TYR: variants seen among roughly 807,000 people sequenced by gnomAD.
The protein encoded by TYR is tyrosinase, also known as LB24-AB.
Under a neutral mutation model 51.5 loss-of-function variants are expected in TYR, and 58 were observed. The ratio of observed to expected loss-of-function variants is 1.13; its 90% CI spans 0.91 to 1.40. The LOEUF is 1.40. Ranked by LOEUF, TYR falls within the 40% of genes most tolerant of loss-of-function variation. The probability of loss-of-function intolerance (pLI) is 0.00; values close to 1 mark genes in which losing one functional copy is unlikely to be tolerated. For synonymous variants in TYR, 263 were observed against 235.2 expected (o/e 1.12, Z -1.08); for missense variants, 732 against 647.4 (o/e 1.13, Z -1.42).
chr11:89,292,943 G>A (rs1471772275), intron 4 of TYR, among the ~76,000 whole-genome samples: 3 of 152,000 alleles, frequency 2.0e-5, no homozygotes, highest in East Asian at 1.9e-4. Flanking sequence ...TAGAGGAATC[G>A]TTAAATGTCC....
chr11:89,290,955 T>G (rs1051966323), intron 4 of TYR, among the ~76,000 whole-genome samples: 35 of 152,090 alleles, frequency 2.3e-4, no homozygotes, highest in African/African-American at 8.0e-4. Flanking sequence ...AGATATTCAG[T>G]ACGGACTTCC....
intron 2 of TYR, among the ~76,000 whole-genome samples, chr11:89,213,890 T>C (rs1020192323): frequency 2.0e-5 from 3 of 152,218 alleles, no homozygotes; most frequent in Admixed American, 6.5e-5. Context: ...GCTAGCCATA[T>C]GTAGAAATCT....
At chr11:89,206,705 T>C (rs947621404) in intron 2 of TYR, among the ~76,000 whole-genome samples, 16 of 152,036 alleles carry the variant, frequency 1.1e-4, no homozygotes, top group African/African-American at 3.6e-4. Context: ...ATAAAACATA[T>C]GCTAAACATA....
chr11:89,226,136 A>G (rs965428413), intron 2 of TYR, among the ~76,000 whole-genome samples: 4 of 152,128 alleles, frequency 2.6e-5, no homozygotes, highest in African/African-American at 9.6e-5. Context: ...AAAATCTTGA[A>G]AACAACTTCT....
chr11:89,285,998 C>G (rs796267667), intron 4 of TYR, among the ~76,000 whole-genome samples: 14 of 151,958 alleles, frequency 9.2e-5, no homozygotes, highest in African/African-American at 3.4e-4. Context: ...CTCTTGTGCT[C>G]AAATCCAGTG....
chr11:89,257,953 AC>A (rs1186891496), intron 3 of TYR, among the ~76,000 whole-genome samples: 1 of 152,020 alleles, frequency 6.6e-6, no homozygotes, highest in Non-Finnish European at 1.5e-5. Context: ...ATGTAGCAAC[AC>A]CCCAAAAGTA....
Position 89,191,288 on chromosome 11 carries a change from A to G in TYR, c.906A>G (p.Gly302=). ...AGGGACCTTTACGGCGTAATCCTGGAAACCATGACAAATCCAGAACCCCAA... is the reference window on the plus strand; with the variant it reads ...AGGGACCTTTACGGCGTAATCCTGGGAACCATGACAAATCCAGAACCCCAA... The part of the protein sequence containing the change: ...TPEGPLRRNP[G]NHDKSRTPRL... The change falls in exon 2 of 5, where the codon GGA becomes GGG. Residue 302 remains glycine, a synonymous_variant. Transcript: ENST00000263321. The G allele has an allele frequency of 6.2e-7, 1 of 1,613,736 alleles. No individual in the cohort carries two copies. Among genetic ancestry groups the G allele is most frequent in the Middle Eastern group, 1.7e-4 (1 of 6,058 alleles).
intron 2 of TYR, among the ~76,000 whole-genome samples, chr11:89,192,467 T>G (rs947028737): frequency 1.3e-5 from 2 of 152,124 alleles, no homozygotes; most frequent in African/African-American, 4.8e-5. Flanking sequence ...AAAACTTTCC[T>G]CTCTTTTGTA....
rs544365966 is a variant in TYR, at chr11:89,284,910, C to T, written c.1322C>T (p.Ser441Leu). The part of the protein sequence containing the change: ...PLYRNGDFFI[S>L]SKDLGYDYSY... ...TACAGAAATGGTGATTTCTTTATTT[C>T]ATCCAAAGATCTGGGCTATGACTAT... Residue 441 changes from serine (S) to leucine (L), a missense_variant, in exon 4 of 5, where the codon TCA becomes TTA. Ser to Leu is a moderately radical substitution (Grantham distance 145). Transcript: ENST00000263321. 6.2e-7 allele frequency: 1 copy of T among 1,611,738 alleles called. No individual in the cohort carries two copies. Among genetic ancestry groups the T allele is most frequent in the African/African-American group, 1.3e-5 (1 of 74,872 alleles).
chr11:89,255,609 C>T (rs1330055508), intron 3 of TYR, among the ~76,000 whole-genome samples: 1 of 151,650 alleles, frequency 6.6e-6, no homozygotes, highest in East Asian at 1.9e-4. Context: ...CCCAACCAAT[C>T]TATTTCTTCT....
intron 1 of TYR, among the ~76,000 whole-genome samples, chr11:89,183,053 A>G (rs1484347787): frequency 1.3e-5 from 2 of 152,018 alleles, no homozygotes; most frequent in Non-Finnish European, 2.9e-5. Flanking sequence ...TTTTTTCTTT[A>G]TGAAAAAGAT....
chr11:89,261,586 G>T (rs1454265992), intron 3 of TYR, among the ~76,000 whole-genome samples: 1 of 151,942 alleles, frequency 6.6e-6, no homozygotes, highest in African/African-American at 2.4e-5. Context: ...CAAACTGAAG[G>T]GAAACATTTG....
chr11:89,193,320 G>A (rs1230714710), intron 2 of TYR, among the ~76,000 whole-genome samples: 3 of 152,046 alleles, frequency 2.0e-5, no homozygotes, highest in African/African-American at 7.2e-5. Context: ...CTCGTCTAGG[G>A]TCTCAAGTCA....
intron 2 of TYR, chr11:89,192,031 G>C (rs1329826690): frequency 2.2e-6 from 1 of 453,750 alleles, no homozygotes; most frequent in Non-Finnish European, 4.4e-6. Flanking sequence ...GGTTCTTTGA[G>C]GTAAGTTCAT....
intron 2 of TYR, among the ~76,000 whole-genome samples, chr11:89,210,891 C>G (rs1249703452): frequency 6.6e-6 from 1 of 152,108 alleles, no homozygotes; most frequent in African/African-American, 2.4e-5. Flanking sequence ...GAAATAAAAT[C>G]CTTTACAGAC....
intron 3 of TYR, among the ~76,000 whole-genome samples, chr11:89,273,881 C>G (rs1007015843): frequency 6.6e-6 from 1 of 151,856 alleles, no homozygotes; most frequent in African/African-American, 2.4e-5. Flanking sequence ...AGTCTCCTCT[C>G]CATCCCTGCC....
intron 2 of TYR, among the ~76,000 whole-genome samples, chr11:89,197,154 C>T (rs986453168): frequency 6.6e-6 from 1 of 152,074 alleles, no homozygotes; most frequent in South Asian, 2.1e-4. Context: ...TGCAATGACA[C>T]AGAGGTGTGA....
intron 3 of TYR, among the ~76,000 whole-genome samples, chr11:89,253,374 C>T (rs1367970905): frequency 6.6e-6 from 1 of 151,550 alleles, no homozygotes; most frequent in African/African-American, 2.4e-5. Flanking sequence ...AACACACAGC[C>T]CTGCCAAGTA....
At chr11:89,262,982 A>G (rs1275951644) in intron 3 of TYR, among the ~76,000 whole-genome samples, 1 of 151,670 alleles carries the variant, frequency 6.6e-6, no homozygotes, top group Non-Finnish European at 1.5e-5. Flanking sequence ...GTAGAGTAGG[A>G]GGGAACATTT....
Sources: gnomAD v4.1 joint callset for allele counts (sites outside exome capture counted in the v4.1 genomes callset) on GRCh38, gnomAD v4.1.1 for gene constraint, MANE v1.5 for transcripts, NCBI Gene and HGNC (gene_info 2026-07-23, HGNC 2026-07-21) for gene names.